Variants in ADAM12 observed in about 807,000 individuals in gnomAD.
ADAM12 encodes ADAM metallopeptidase domain 12, also known as disintegrin and metalloproteinase domain-containing protein 12.
A neutral mutation model predicts 106.4 loss-of-function variants in ADAM12; 70 were observed. The observed-to-expected ratio is 0.66, with a 90% CI of 0.54 to 0.80. The LOEUF is 0.80. Among genes scored for constraint, ADAM12 ranks in the 30% least tolerant of loss-of-function variants. ADAM12 has a pLI of 0.00. For missense variants in ADAM12, 1,010 were observed against 1,171.9 expected, an observed-to-expected ratio of 0.86 and a Z score of 2.02; for synonymous variants, 420 against 433.5, an observed-to-expected ratio of 0.97 and a Z score of 0.39.
intron 1 of ADAM12, among the ~76,000 whole-genome samples, chr10:126,344,958 A>G (rs918840431): frequency 7.2e-5 from 11 of 152,162 alleles, no homozygotes; most frequent in African/African-American, 2.4e-4. Flanking sequence ...ATACAATCAT[A>G]TCATCTGCAA....
intron 6 of ADAM12, among the ~76,000 whole-genome samples, chr10:126,113,172 G>C (rs547792763): frequency 6.6e-6 from 1 of 152,292 alleles, no homozygotes; most frequent in African/African-American, 2.4e-5. Flanking sequence ...AGATGGAATG[G>C]CAACAGCAGA....
At chr10:126,021,076 T>A (rs979490680) in intron 21 of ADAM12, among the ~76,000 whole-genome samples, 1 of 149,768 alleles carries the variant, frequency 6.7e-6, no homozygotes, top group Non-Finnish European at 1.5e-5. Flanking sequence ...GAGAGAGGGG[T>A]TCATTGGAGC....
chr10:126,270,657 G>A (rs973562050), intron 3 of ADAM12, among the ~76,000 whole-genome samples: 5 of 152,184 alleles, frequency 3.3e-5, no homozygotes, highest in South Asian at 2.1e-4. Context: ...GTTAAATAGC[G>A]GTGGCGCCAG....
Position 126,113,690 on chromosome 10 carries a change from ATATATATATATATATAT to A in ADAM12, c.604-3867_604-3851del, listed in dbSNP as rs1955922054. 9.0e-3 allele frequency among the ~76,000 whole-genome samples: 125 copies of A among 13,890 alleles called. 2 individuals are homozygous for A. Among genetic ancestry groups the A allele is most frequent in the Admixed American group, 0.01 (7 of 688 alleles). 9.1% of individuals were successfully genotyped at this position (13,890 alleles called of 152,430 possible). ...AAAAAAAAAAAAAAAAAAAAAAAAT[ATATATATATATATATAT>A]ATATATATATATATATATATATATA... On this transcript the variant is annotated intron_variant, in intron 6 of 22. Coordinates refer to ENST00000448723, the MANE Select transcript of ADAM12 (RefSeq NM_001288973.2).
intron 3 of ADAM12, among the ~76,000 whole-genome samples, chr10:126,223,314 T>G (rs902463272): frequency 6.6e-6 from 1 of 152,358 alleles, no homozygotes. Flanking sequence ...TTTCAGCTTC[T>G]GCCTGTCACA....
At chr10:126,230,736 C>T (rs985102299) in intron 3 of ADAM12, among the ~76,000 whole-genome samples, 1 of 152,184 alleles carries the variant, frequency 6.6e-6, no homozygotes, top group Non-Finnish European at 1.5e-5. Flanking sequence ...TCTTTTGCTT[C>T]CTGATTTGTA....
chr10:126,028,445 T>C (rs1953916833), intron 21 of ADAM12, among the ~76,000 whole-genome samples: 1 of 152,154 alleles, frequency 6.6e-6, no homozygotes, highest in Non-Finnish European at 1.5e-5. Flanking sequence ...CAAAATGGCA[T>C]GGTACTGATA....
At chr10:126,311,124 CACACACACACACA>C (rs1392805631) in intron 2 of ADAM12, among the ~76,000 whole-genome samples, 1 of 151,642 alleles carries the variant, frequency 6.6e-6, no homozygotes, top group African/African-American at 2.4e-5. Flanking sequence ...CACACACACA[CACACACACACACA>C]CCTGCACGCA....
chr10:126,317,520 G>T (rs1368144836), intron 2 of ADAM12, among the ~76,000 whole-genome samples: 2 of 152,188 alleles, frequency 1.3e-5, no homozygotes, highest in Admixed American at 1.3e-4. Flanking sequence ...CAAGTAATTA[G>T]CAGAAAGGCA....
intron 21 of ADAM12, among the ~76,000 whole-genome samples, chr10:126,024,127 TGAAG>T (rs2133379146): frequency 6.6e-6 from 1 of 152,294 alleles, no homozygotes; most frequent in South Asian, 2.1e-4. Context: ...GCAAATTGCA[TGAAG>T]GTAAGTACAG....
intron 21 of ADAM12, among the ~76,000 whole-genome samples, chr10:126,025,901 CAG>C (rs1253850162): frequency 6.6e-6 from 1 of 152,104 alleles, no homozygotes; most frequent in Non-Finnish European, 1.5e-5. Flanking sequence ...TAAGGGCAGC[CAG>C]AGAGAAAAAC....
intron 3 of ADAM12, among the ~76,000 whole-genome samples, chr10:126,253,696 TG>T (rs1590688757): frequency 6.6e-6 from 1 of 150,926 alleles, no homozygotes; most frequent in African/African-American, 2.4e-5. Context: ...GTGGGTTGGG[TG>T]GGGGGAGGGC....
chr10:126,019,063 A>C (rs1007656402), intron 22 of ADAM12, among the ~76,000 whole-genome samples: 2 of 152,154 alleles, frequency 1.3e-5, no homozygotes, highest in African/African-American at 4.8e-5. Flanking sequence ...ATCCTTCATG[A>C]ATGGTTTAGC....
intron 1 of ADAM12, among the ~76,000 whole-genome samples, chr10:126,358,116 C>A (rs1855606841): frequency 6.6e-6 from 1 of 150,506 alleles, no homozygotes; most frequent in East Asian, 2.0e-4. Flanking sequence ...GGGGTGGAAC[C>A]TGCAGTGAGC....
chr10:126,164,785 TGAA>T (rs1956995797), intron 3 of ADAM12, among the ~76,000 whole-genome samples: 1 of 152,214 alleles, frequency 6.6e-6, no homozygotes, highest in South Asian at 2.1e-4. Context: ...GCTGGAATCA[TGAA>T]GATCTTCATG....
intron 3 of ADAM12, among the ~76,000 whole-genome samples, chr10:126,237,636 T>C (rs924293553): frequency 4.6e-5 from 7 of 152,240 alleles, no homozygotes; most frequent in African/African-American, 1.7e-4. Flanking sequence ...TGATCCTTAT[T>C]ATTTTGGCTG....
chr10:126,326,204 AT>A (rs5788782), intron 2 of ADAM12, among the ~76,000 whole-genome samples: 32,123 of 146,858 alleles, frequency 0.22, 3,581 homozygotes, highest in Middle Eastern at 0.29. Flanking sequence ...ACCGGGGAGT[AT>A]TTTTTTTTTT....
rs150249994 is a variant in ADAM12, at chr10:126,186,239, A to T, written c.261-30934T>A. On this transcript the variant is annotated intron_variant, in intron 3 of 22. Transcript: ENST00000448723. The stretch of plus-strand genomic sequence containing the variant: ...CCATGTTGTAATCCCCGCGGGGCAG[A>T]AAAACCCTATCGATCAATATACTTA... Among the ~76,000 whole-genome samples, 269 of 152,326 alleles carry T rather than the reference A, an allele frequency of 1.8e-3. 7 individuals carry two copies. The South Asian group carries it at 0.027, about 15-fold the overall frequency.
At chr10:126,365,822 A>G (rs1274855636) in intron 1 of ADAM12, among the ~76,000 whole-genome samples, 1 of 152,192 alleles carries the variant, frequency 6.6e-6, no homozygotes, top group Admixed American at 6.5e-5. Context: ...CATATCAAGG[A>G]GCACAGCGAT....
Sources: gnomAD v4.1 joint callset for allele counts (sites outside exome capture counted in the v4.1 genomes callset) on GRCh38, gnomAD v4.1.1 for gene constraint, MANE v1.5 for transcripts, NCBI Gene and HGNC (gene_info 2026-07-23, HGNC 2026-07-21) for gene names.